Variants in YIPF2 observed in about 807,000 individuals in gnomAD.
The protein encoded by YIPF2 is protein YIPF2.
Under a neutral mutation model 38.8 loss-of-function variants are expected in YIPF2, and 30 were observed. That is an observed-to-expected ratio of 0.77 (90% CI 0.58 to 1.05). YIPF2 has a LOEUF of 1.05. Ranked by LOEUF, YIPF2 falls within the 50% of genes least tolerant of loss-of-function variation. YIPF2 has a pLI of 0.00. For missense variants in YIPF2, 401 were observed against 409.7 expected (o/e 0.98, Z 0.18); for synonymous variants, 194 against 183.8 (o/e 1.06, Z -0.45).
chr19:10,927,841 A>G lies in YIPF2; in HGVS notation c.150T>C (p.Tyr50=). ...CCTCCTCCACCTCATCCTCGGCTCC[A>G]TAGCTGCCACCTGAGCCCACGGCCA... The part of the protein sequence containing the change: ...VAVAVGSGGS[Y]GAEDEVEEES... The change falls in exon 3 of 10, where the codon TAT becomes TAC. Residue 50 remains tyrosine, a synonymous_variant. Coordinates refer to ENST00000586748, the MANE Select transcript of YIPF2 (RefSeq NM_001321439.2). 6.2e-7 allele frequency: 1 copy of G among 1,610,604 alleles called. No homozygotes were observed. The highest frequency in any genetic ancestry group is 1.1e-5 in the South Asian group (1 of 91,038).
intron 4 of YIPF2, 123 bp downstream of exon 4, chr19:10,927,507 C>T: frequency 7.9e-7 from 1 of 1,262,456 alleles, no homozygotes; most frequent in Non-Finnish European, 1.1e-6. Context: ...CCCACCATAA[C>T]CCTTTGAGAG....
chr19:10,928,430 C>T lies in YIPF2; in HGVS notation c.-20G>A. On this transcript the variant is annotated 5_prime_UTR_variant, in exon 2 of 10. Coordinates refer to ENST00000586748, the MANE Select transcript of YIPF2 (RefSeq NM_001321439.2). ...TGCCATGGTCGTTCAGGGGCGTCTC[C>T]GCATCCCTCGCTGAGGACAGAGACC... 2 of 1,336,808 alleles carry T rather than the reference C, an allele frequency of 1.5e-6. No homozygotes were observed. Among genetic ancestry groups the T allele is most frequent in the Non-Finnish European group, 1.9e-6 (2 of 1,039,732 alleles). 82.8% of individuals were successfully genotyped at this position (1,336,808 alleles called of 1,614,324 possible).
chr19:10,924,480 G>A (rs185845041), intron 5 of YIPF2, among the ~76,000 whole-genome samples: 78 of 152,106 alleles, frequency 5.1e-4, no homozygotes, highest in African/African-American at 1.7e-3. Context: ...TCAGCCATGG[G>A]GAGCAGCCAG....
At chr19:10,927,482 C>G in intron 4 of YIPF2, 148 bp downstream of exon 4, 1 of 1,044,224 alleles carries the variant, frequency 9.6e-7, no homozygotes, top group Non-Finnish European at 1.4e-6. Context: ...CCCATAGTCC[C>G]GATCCATAAC....
Position 10,928,380 on chromosome 19 carries a change from C to G in YIPF2, c.31G>C (p.Glu11Gln). 1 of 1,340,108 alleles carries G rather than the reference C, an allele frequency of 7.5e-7. No individual in the cohort carries two copies. Among genetic ancestry groups the G allele is most frequent in the Non-Finnish European group, 9.6e-7 (1 of 1,040,966 alleles). 83.0% of individuals were successfully genotyped at this position (1,340,108 alleles called of 1,614,324 possible). MASADELTFH[E>Q]FEEATNLLAD... ...CCGGCCACGTCGGGGCCGCACTCAC[C>G]ATGGAAGGTCAGCTCGTCGGCCGAT... Residue 11 changes from glutamate to glutamine, a missense_variant and splice_region_variant, in exon 2 of 10, where the codon GAA becomes CAA. Coordinates refer to ENST00000586748, the MANE Select transcript of YIPF2 (RefSeq NM_001321439.2).
At position 10,923,174 on chromosome 19, in the gene YIPF2, C is replaced by T. The variant is rs747830345; in HGVS notation, c.*20G>A. 4 of 1,089,486 alleles carry T rather than the reference C, an allele frequency of 3.7e-6. No individual in the cohort carries two copies. The Admixed American group carries it at 8.2e-5, about 22-fold the overall frequency. 67.5% of individuals were successfully genotyped at this position (1,089,486 alleles called of 1,614,324 possible). A position where few individuals can be genotyped will look rare whatever the true frequency, so the allele number is the denominator to read the frequency against. ...GAGGGGTTGGTCCACTTAGGTGTTG[C>T]CTGAAAGAAAGAATTGTCTGGGAGT... On this transcript the variant is annotated splice_region_variant and 3_prime_UTR_variant, in exon 10 of 10. Coordinates refer to ENST00000586748, the MANE Select transcript of YIPF2 (RefSeq NM_001321439.2).
At chr19:10,923,731 C>G (rs2074310897) in intron 7 of YIPF2, 54 bp from the exon 8 acceptor site, 1 of 1,579,380 alleles carries the variant, frequency 6.3e-7, no homozygotes, top group Non-Finnish European at 8.6e-7. Flanking sequence ...CCACCACCCA[C>G]TCTGCACCAG....
Position 10,924,133 on chromosome 19 carries a change from G to T in YIPF2, c.427C>A (p.Leu143Met). 6.2e-7 allele frequency: 1 copy of T among 1,613,714 alleles called. No individual in the cohort carries two copies. The highest frequency in any genetic ancestry group is 8.5e-7 in the Non-Finnish European group (1 of 1,179,950). The part of the protein sequence containing the change: ...FVLAVTGNLT[L>M]VLAQRRDPSI... The stretch of plus-strand genomic sequence containing the variant: ...GGGTCCCTCCTCTGGGCCAGCACCA[G>T]CGTCAGGTTGCCAGTGACGGCCAGG... Residue 143 changes from leucine to methionine, a missense_variant, in exon 6 of 10, where the codon CTG becomes ATG. Leu to Met is a conservative substitution (Grantham distance 15). Coordinates refer to ENST00000586748, the MANE Select transcript of YIPF2 (RefSeq NM_001321439.2).
chr19:10,927,495 G>T, intron 4 of YIPF2, 135 bp downstream of exon 4: 1 of 1,159,906 alleles, frequency 8.6e-7, no homozygotes, highest in Non-Finnish European at 1.2e-6. Context: ...TCCATAACCA[G>T]TCCCACCATA....
At position 10,922,379 on chromosome 19, in the gene YIPF2, T is replaced by C. The variant is rs2074269794; in HGVS notation, c.*815A>G. On this transcript the variant is annotated 3_prime_UTR_variant, in exon 10 of 10. Coordinates refer to ENST00000586748, the MANE Select transcript of YIPF2 (RefSeq NM_001321439.2). ...CCAAAGGGTTCACCTCACACTTGAATGTACAACCCACCCCACTGTCGGGAA... is the reference window on the plus strand; with the variant it reads ...CCAAAGGGTTCACCTCACACTTGAACGTACAACCCACCCCACTGTCGGGAA... 1 of 152,542 alleles carries C rather than the reference T, an allele frequency of 6.6e-6. No homozygotes were observed. The highest frequency in any genetic ancestry group is 2.4e-5 in the African/African-American group (1 of 41,418). The allele number at this position is 152,542 out of a possible 1,614,324, so 9.4% of individuals were successfully genotyped here.
At chr19:10,927,997 G>A (rs1410742018) in intron 2 of YIPF2, 38 bp from the exon 3 acceptor site, 14 of 1,580,192 alleles carry the variant, frequency 8.9e-6, no homozygotes, top group Non-Finnish European at 1.2e-5. Flanking sequence ...CACGTTTGAG[G>A]GGTGGAAAGA....
rs772175763 is a variant in YIPF2 at position 10,923,652 on chromosome 19, C to T, written c.677G>A (p.Trp226Ter). 2.4e-5 allele frequency: 38 copies of T among 1,611,770 alleles called. No individual in the cohort carries two copies. Among genetic ancestry groups the T allele is most frequent in the Non-Finnish European group, 3.2e-5 (38 of 1,178,802 alleles). ...MVVLWLIPVP[W>*]LQWLFGALAL... The stretch of plus-strand genomic sequence containing the variant: ...CAGCGCCCCAAAGAGCCACTGCAGC[C>T]AAGGCACAGGGATGAGCCACAGGAC... The change falls in exon 8 of 10, where the codon TGG (tryptophan) becomes TAG (stop). Residue 226 changes from tryptophan (W) to a stop codon, truncating the protein, a stop_gained. Coordinates refer to ENST00000586748, the MANE Select transcript of YIPF2 (RefSeq NM_001321439.2). LOFTEE classifies it high-confidence loss of function.
chr19:10,925,624 T>G, intron 5 of YIPF2, 62 bp downstream of exon 5: 1 of 1,595,066 alleles, frequency 6.3e-7, no homozygotes, highest in Non-Finnish European at 8.6e-7. Flanking sequence ...CACTGGCATC[T>G]GCAACTCAGG....
rs892362562 is a variant in YIPF2, at chr19:10,922,471, G to GC, written c.*722dup. 1 of 84,924 alleles carries GC rather than the reference G, an allele frequency of 1.2e-5. No individual in the cohort carries two copies. The highest frequency in any genetic ancestry group is 4.2e-5 in the African/African-American group (1 of 23,716). The allele number at this position is 84,924 out of a possible 1,614,324, so 5.3% of individuals were successfully genotyped here. A position where few individuals can be genotyped will look rare whatever the true frequency, so the allele number is the denominator to read the frequency against. On this transcript the variant is annotated 3_prime_UTR_variant, in exon 10 of 10. Coordinates refer to ENST00000586748, the MANE Select transcript of YIPF2 (RefSeq NM_001321439.2). ...CCCGAGCCCCTGCAGGTCCCCCCCC[G>GC]CCCCCCCACTCAAGAGTTAGAGCAG...
In YIPF2 at chr19:10,927,698, G is replaced by GCTGCTGCTC. The variant is rs781194632; in HGVS notation, c.202_210dup (p.Glu68_Gln70dup). ...GTCCAGAATCCCGGCTGCTGCTGCTGCTGCTGCTCCTGCAGGAGCTGCACA... is the reference window on the plus strand; with the variant it reads ...GTCCAGAATCCCGGCTGCTGCTGCTGCTGCTGCTCCTGCTGCTCCTGCAGGAGCTGCACA... On this transcript the variant is annotated inframe_insertion, in exon 4 of 10. Coordinates refer to ENST00000586748, the MANE Select transcript of YIPF2 (RefSeq NM_001321439.2). 2.9e-5 allele frequency: 46 copies of GCTGCTGCTC among 1,613,468 alleles called. No homozygotes were observed. The highest frequency in any genetic ancestry group is 3.7e-5 in the Non-Finnish European group (44 of 1,180,020).
chr19:10,928,253 G>A lies in YIPF2; in HGVS notation c.31+127C>T, dbSNP rs1197452367. 8.5e-6 allele frequency: 10 copies of A among 1,182,258 alleles called. No individual in the cohort carries two copies. In the Admixed American group the frequency reaches 1.1e-4, roughly 13 times the overall value. The allele number at this position is 1,182,258 out of a possible 1,614,324, so 73.2% of individuals were successfully genotyped here. A position where few individuals can be genotyped will look rare whatever the true frequency, so the allele number is the denominator to read the frequency against. ...GGGGCGGGGTTCGAGTCAGAGATGG[G>A]TCTCACTCCTGGGTCAGGGTTCACA... On this transcript the variant is annotated intron_variant, in intron 2 of 9. Coordinates refer to ENST00000586748, the MANE Select transcript of YIPF2 (RefSeq NM_001321439.2).
chr19:10,927,467 G>A (rs748064388), intron 4 of YIPF2, 163 bp downstream of exon 4: 5 of 908,304 alleles, frequency 5.5e-6, no homozygotes, highest in Non-Finnish European at 8.1e-6. Context: ...TGTGTCCCCT[G>A]TGTTCCCATA....
chr19:10,922,852 G>A lies in YIPF2; in HGVS notation c.*342C>T, dbSNP rs543145800. On this transcript the variant is annotated 3_prime_UTR_variant, in exon 10 of 10. Transcript: ENST00000586748. ...AGATGCTGGAGCTCAGGCCCGCCGT[G>A]TGTGCACCCAGGCAGGAGCGGGCGC... is the stretch of plus-strand genomic sequence containing the variant. 2.8e-3 allele frequency: 440 copies of A among 158,388 alleles called. 1 individual carries two copies. The highest frequency in any genetic ancestry group is 9.6e-3 in the African/African-American group (400 of 41,754). The allele number at this position is 158,388 out of a possible 1,614,324, so 9.8% of individuals were successfully genotyped here. A position where few individuals can be genotyped will look rare whatever the true frequency, so the allele number is the denominator to read the frequency against.
In YIPF2 at chr19:10,922,950, C is replaced by T. The variant is rs765052900; in HGVS notation, c.*244G>A. 1.4e-5 allele frequency: 3 copies of T among 210,484 alleles called. No homozygotes were observed. The highest frequency in any genetic ancestry group is 2.4e-5 in the African/African-American group (1 of 42,154). The allele number at this position is 210,484 out of a possible 1,614,324, so 13.0% of individuals were successfully genotyped here. A position where few individuals can be genotyped will look rare whatever the true frequency, so the allele number is the denominator to read the frequency against. ...GCCATAGGAGGGAAAGCAGGTGGCC[C>T]GGGGGGGATATGGGGGCCCCAGCCC... On this transcript the variant is annotated 3_prime_UTR_variant, in exon 10 of 10. Transcript: ENST00000586748.
Sources: allele counts gnomAD v4.1 joint callset (sites outside exome capture counted in the v4.1 genomes callset), GRCh38; gene constraint gnomAD v4.1.1; transcripts MANE v1.5; gene names NCBI Gene and HGNC (gene_info 2026-07-23, HGNC 2026-07-21).